RFC1: variants seen among roughly 807,000 people sequenced by gnomAD.
RFC1 encodes A1 140 kDa subunit.
In RFC1, 37 loss-of-function variants were observed where a neutral mutation model predicts 137.4. The observed-to-expected ratio is 0.27, with a 90% CI of 0.21 to 0.35. The LOEUF is 0.35. RFC1 is among the 10% of genes least tolerant of loss of function. The pLI is 1.00. For missense variants in RFC1, 1,205 were observed against 1,358.5 expected (o/e 0.89, Z 1.78); for synonymous variants, 429 against 455.7 (o/e 0.94, Z 0.75).
At chr4:39,331,606 T>C (rs1363821642) in intron 4 of RFC1, among the ~76,000 whole-genome samples, 1 of 152,216 alleles carries the variant, frequency 6.6e-6, no homozygotes, top group Non-Finnish European at 1.5e-5. Flanking sequence ...TATTAATATG[T>C]ATACTCAACC....
At chr4:39,311,612 CA>C (rs572137196) in intron 11 of RFC1, 63 bp from the exon 12 acceptor site, 19,149 of 943,848 alleles carry the variant, frequency 0.02, no homozygotes, top group South Asian at 0.037. Flanking sequence ...CCTTCTCTTA[CA>C]AAAAAAAAAA....
intron 1 of RFC1, among the ~76,000 whole-genome samples, chr4:39,352,598 A>G (rs1468249055): frequency 1.3e-5 from 2 of 152,212 alleles, no homozygotes; most frequent in Non-Finnish European, 2.9e-5. Context: ...TTTTCTCCTC[A>G]GTAAAGTGGG....
At chr4:39,298,935 T>C (rs1359887733) in intron 21 of RFC1, among the ~76,000 whole-genome samples, 7 of 152,142 alleles carry the variant, frequency 4.6e-5, no homozygotes, top group Admixed American at 4.6e-4. Context: ...TGGCCAACAC[T>C]GTTGGGAACA....
At chr4:39,293,184 T>A (rs1737785854) in intron 22 of RFC1, among the ~76,000 whole-genome samples, 2 of 152,192 alleles carry the variant, frequency 1.3e-5, no homozygotes, top group African/African-American at 4.8e-5. Flanking sequence ...CTCTAGATTG[T>A]CTTCCATAAT....
At chr4:39,338,048 C>T (rs1740444694) in intron 4 of RFC1, among the ~76,000 whole-genome samples, 2 of 152,184 alleles carry the variant, frequency 1.3e-5, no homozygotes, top group Admixed American at 1.3e-4. Flanking sequence ...CTCAAGGTCT[C>T]TCACTTCATT....
intron 13 of RFC1, chr4:39,307,272 C>G (rs1738720260): frequency 6.3e-6 from 1 of 157,712 alleles, no homozygotes; most frequent in East Asian, 1.9e-4. Flanking sequence ...TTGTGCCCCT[C>G]AACACTACAG....
intron 6 of RFC1, among the ~76,000 whole-genome samples, chr4:39,325,924 T>TCTAGG (rs1739741312): frequency 6.6e-6 from 1 of 152,172 alleles, no homozygotes; most frequent in Admixed American, 6.5e-5. Flanking sequence ...ATGTCACTTT[T>TCTAGG]CTATTCAAAA....
chr4:39,324,648 T>C (rs533354456), intron 6 of RFC1, among the ~76,000 whole-genome samples: 8 of 152,340 alleles, frequency 5.3e-5, no homozygotes, highest in South Asian at 2.1e-4. Flanking sequence ...CAAGAGCCCA[T>C]TGTATGCCAG....
At chr4:39,313,213 T>C (rs894095026) in intron 10 of RFC1, among the ~76,000 whole-genome samples, 1 of 152,226 alleles carries the variant, frequency 6.6e-6, no homozygotes. Flanking sequence ...CATACTATTT[T>C]CCATTATGCC....
rs1189306426 is a variant in RFC1, at chr4:39,303,075, A to G, written c.2187T>C (p.Asp729=). ...CTTGAATTACCTGAATTCCTCCCCT[A>G]TCCTCATTGCCTGCCATGCCATCTA... ...DEVDGMAGNE[D]RGGIQELIGL... Residue 729 remains aspartate (D), a synonymous_variant, in exon 16 of 25, where the codon GAT becomes GAC. Coordinates refer to ENST00000349703, the MANE Select transcript of RFC1 (RefSeq NM_002913.5). 1.4e-5 allele frequency: 23 copies of G among 1,612,166 alleles called. No individual in the cohort carries two copies. The highest frequency in any genetic ancestry group is 3.3e-5 in the Admixed American group (2 of 59,990).
At position 39,299,893 on chromosome 4, in the gene RFC1, C is replaced by A. The variant is rs1014274895; in HGVS notation, c.2808+128G>T. On this transcript the variant is annotated intron_variant, in intron 21 of 24. Coordinates refer to ENST00000349703, the MANE Select transcript of RFC1 (RefSeq NM_002913.5). ...TCATACCACTACACTCCAGCCCGGGCAACAGAGCGAGACTCGATCTCAAAA... is the reference window on the plus strand; with the variant it reads ...TCATACCACTACACTCCAGCCCGGGAAACAGAGCGAGACTCGATCTCAAAA... 9.8e-5 allele frequency: 63 copies of A among 644,512 alleles called. 1 individual carries two copies. Among genetic ancestry groups the A allele is most frequent in the Non-Finnish European group, 1.5e-4 (57 of 372,998 alleles). The allele number at this position is 644,512 out of a possible 1,614,324, so 39.9% of individuals were successfully genotyped here.
chr4:39,335,642 G>T (rs1740311379), intron 4 of RFC1, among the ~76,000 whole-genome samples: 1 of 152,160 alleles, frequency 6.6e-6, no homozygotes, highest in African/African-American at 2.4e-5. Context: ...AAAAGTGGGG[G>T]AAAGGCCTGG....
At chr4:39,337,191 A>G (rs1267307640) in intron 4 of RFC1, among the ~76,000 whole-genome samples, 1 of 152,180 alleles carries the variant, frequency 6.6e-6, no homozygotes, top group Admixed American at 6.5e-5. Context: ...CCTGACCAAC[A>G]TGGAGAAAGC....
chr4:39,316,217 C>T (rs1279157728), intron 10 of RFC1, among the ~76,000 whole-genome samples: 2 of 152,230 alleles, frequency 1.3e-5, no homozygotes, highest in Non-Finnish European at 2.9e-5. Flanking sequence ...GCAACAGGAG[C>T]GAAAACTCCA....
At chr4:39,354,339 C>G (rs1049747061) in intron 1 of RFC1, among the ~76,000 whole-genome samples, 2 of 152,152 alleles carry the variant, frequency 1.3e-5, no homozygotes, top group South Asian at 4.1e-4. Flanking sequence ...CGTGACTTCA[C>G]CTGACTGTTC....
chr4:39,316,822 T>C, intron 10 of RFC1, 93 bp downstream of exon 10: 1 of 714,680 alleles, frequency 1.4e-6, no homozygotes. Flanking sequence ...TTTTTAATTA[T>C]TAATCCTCTG....
At position 39,366,284 on chromosome 4, in the gene RFC1, C is replaced by T. The variant is rs1288646838; in HGVS notation, c.-43G>A. 7.9e-6 allele frequency: 12 copies of T among 1,519,128 alleles called. No individual in the cohort carries two copies. The highest frequency in any genetic ancestry group is 4.9e-5 in the South Asian group (4 of 81,520). 94.1% of individuals were successfully genotyped at this position (1,519,128 alleles called of 1,614,324 possible). ...GGCGCTGGCTGGCTGGCGGGTGGGC[C>T]GGTTGAGGAATCTGTTATCGAGGCT... On this transcript the variant is annotated 5_prime_UTR_variant, in exon 1 of 25. Transcript: ENST00000349703.
chr4:39,316,606 T>G (rs913019096), intron 10 of RFC1, among the ~76,000 whole-genome samples: 2 of 152,182 alleles, frequency 1.3e-5, no homozygotes, highest in African/African-American at 4.8e-5. Context: ...ATAATTAAAT[T>G]ATTTATTTAA....
intron 2 of RFC1, among the ~76,000 whole-genome samples, chr4:39,348,423 A>AAAAAAGAAAAG (rs1740976145): frequency 8.6e-6 from 1 of 116,692 alleles, no homozygotes; most frequent in Non-Finnish European, 1.9e-5. Context: ...ACTCTGTTTC[A>AAAAAAGAAAAG]AAAAAGAAAA....
Sources: gnomAD v4.1 joint callset for allele counts (sites outside exome capture counted in the v4.1 genomes callset) on GRCh38, gnomAD v4.1.1 for gene constraint, MANE v1.5 for transcripts, NCBI Gene and HGNC (gene_info 2026-07-23, HGNC 2026-07-21) for gene names.